Variants in ECH1 observed in about 807,000 individuals in gnomAD.
ECH1 encodes enoyl-CoA hydratase 1.
ECH1 carries 30 observed loss-of-function variants against 37.0 expected under a neutral mutation model. The observed-to-expected ratio is 0.81, with a 90% CI of 0.61 to 1.10. The LOEUF is 1.10. Among genes scored for constraint, ECH1 ranks in the 50% least tolerant of loss-of-function variants. The probability of loss-of-function intolerance (pLI) is 0.00; values close to 1 mark genes in which losing one functional copy is unlikely to be tolerated. For synonymous variants in ECH1, 178 were observed against 176.0 expected (o/e 1.01, Z -0.09); for missense variants, 456 against 441.6 (o/e 1.03, Z -0.29).
chr19:38,831,635 G>A (rs761094701), intron 1 of ECH1, 86 bp downstream of exon 1: 1 of 1,584,836 alleles, frequency 6.3e-7, no homozygotes, highest in Non-Finnish European at 8.6e-7. Flanking sequence ...CGGGCCCTTC[G>A]TGACCCCGGA....
In ECH1 at chr19:38,831,142, C is replaced by T; in HGVS notation, c.285G>A (p.Lys95=). Residue 95 remains lysine, a synonymous_variant, in exon 3 of 10, where the codon AAG becomes AAA. Coordinates refer to ENST00000221418, the MANE Select transcript of ECH1 (RefSeq NM_001398.3). ...FWREMVECFN[K]ISRDADCRAV... is the part of the protein sequence containing the mutation. ...CCCGACAGTCAGCGTCTCTCGAAAT[C>T]TTGTTGAAGCACTCTACCATCTCTC... 1 of 1,614,140 alleles carries T rather than the reference C, an allele frequency of 6.2e-7. No homozygotes were observed. The highest frequency in any genetic ancestry group is 8.5e-7 in the Non-Finnish European group (1 of 1,180,038).
intron 3 of ECH1, among the ~76,000 whole-genome samples, chr19:38,829,303 A>T (rs1164771857): frequency 6.6e-6 from 1 of 150,770 alleles, no homozygotes; most frequent in Non-Finnish European, 1.5e-5. Context: ...AAAAAAAAAA[A>T]AAAAAAAATT....
intron 3 of ECH1, among the ~76,000 whole-genome samples, chr19:38,818,901 C>CTGTGTGTGTG (rs761871749): frequency 0.039 from 5,252 of 133,562 alleles, 167 homozygotes; most frequent in Non-Finnish European, 0.053. Flanking sequence ...GCCTCCAACT[C>CTGTGTGTGTG]TGTGTGTGTG....
Position 38,831,535 on chromosome 19 carries a change from C to G in ECH1, c.53-19G>C, listed in dbSNP as rs1048116064. ...GTCAGTCCTGGGGAGAAAGGAACAG[C>G]CTTTGATGACCCCAGACTGCAAGAC... On this transcript the variant is annotated intron_variant, in intron 1 of 9. Coordinates refer to ENST00000221418, the MANE Select transcript of ECH1 (RefSeq NM_001398.3). 10 of 1,604,816 alleles carry G rather than the reference C, an allele frequency of 6.2e-6. No individual in the cohort carries two copies. Among genetic ancestry groups the G allele is most frequent in the Non-Finnish European group, 8.5e-6 (10 of 1,174,390 alleles).
intron 3 of ECH1, among the ~76,000 whole-genome samples, chr19:38,818,006 C>G (rs566719004): frequency 6.6e-6 from 1 of 152,138 alleles, no homozygotes; most frequent in Non-Finnish European, 1.5e-5. Context: ...ACTGCAGCCT[C>G]GAACTCCCAG....
intron 6 of ECH1, chr19:38,816,820 C>T: frequency 1.6e-6 from 1 of 627,928 alleles, no homozygotes; most frequent in Non-Finnish European, 2.8e-6. Flanking sequence ...TCCCCCGGCT[C>T]CATCCTGCCT....
intron 3 of ECH1, among the ~76,000 whole-genome samples, chr19:38,829,543 C>T (rs950894028): frequency 1.6e-4 from 25 of 152,030 alleles, no homozygotes; most frequent in Non-Finnish European, 7.4e-5. Context: ...CTGGGCTGGG[C>T]GTGGTAGCTC....
At chr19:38,829,738 C>G (rs1971791107) in intron 3 of ECH1, among the ~76,000 whole-genome samples, 1 of 150,826 alleles carries the variant, frequency 6.6e-6, no homozygotes, top group African/African-American at 2.4e-5. Flanking sequence ...ATGGCCTGAA[C>G]CCGGGAGGCA....
rs944262300 is a variant in ECH1, at chr19:38,831,493, C to A, written c.76G>T (p.Gly26Ter). 8 of 1,613,976 alleles carry A rather than the reference C, an allele frequency of 5.0e-6. No individual in the cohort carries two copies. The highest frequency in any genetic ancestry group is 1.7e-4 in the Middle Eastern group (1 of 6,058). The part of the protein sequence containing the change: ...TRRLTGSNYP[G>*]LSISLRLTGS... ...GTGAGGCGAAGGCTAATACTGAGTC[C>A]CGGGTAGTTGGAGCCTGTCAGTCCT... The change falls in exon 2 of 10, where the codon GGA becomes TGA. Residue 26 changes from glycine (G) to a stop codon, truncating the protein, a stop_gained. Transcript: ENST00000221418. LOFTEE classifies it high-confidence loss of function.
intron 3 of ECH1, chr19:38,823,193 A>C (rs1313662074): frequency 2.6e-5 from 4 of 156,458 alleles, no homozygotes; most frequent in Non-Finnish European, 5.6e-5. Context: ...CGAACACATC[A>C]GAAGGAACAA....
At chr19:38,830,838 T>C (rs2145391676) in intron 3 of ECH1, 1 of 522,526 alleles carries the variant, frequency 1.9e-6, no homozygotes. Flanking sequence ...CTGGGTGTGG[T>C]GGCCCACGCC....
Position 38,829,433 on chromosome 19 carries a change from C to G in ECH1, c.349+1645G>C, listed in dbSNP as rs549451715. 6.3e-4 allele frequency among the ~76,000 whole-genome samples: 96 copies of G among 152,130 alleles called. 1 individual carries two copies. The Middle Eastern group carries it at 0.01, about 16-fold the overall frequency. On this transcript the variant is annotated intron_variant, in intron 3 of 9. Coordinates refer to ENST00000221418, the MANE Select transcript of ECH1 (RefSeq NM_001398.3). ...CCAAAATTGCATCACTATACTCCAG[C>G]CTGGGTGACAAAGCGAGACTCTGTC...
intron 1 of ECH1, 61 bp from the exon 2 acceptor site, chr19:38,831,577 AG>A: frequency 6.4e-7 from 1 of 1,564,808 alleles, no homozygotes. Flanking sequence ...CTATCGAATT[AG>A]GGAGTCCTTC....
At chr19:38,827,879 T>C (rs1044205431) in intron 3 of ECH1, among the ~76,000 whole-genome samples, 1 of 151,992 alleles carries the variant, frequency 6.6e-6, no homozygotes, top group Non-Finnish European at 1.5e-5. Context: ...TGAAGATTAG[T>C]TTTTAAATCT....
intron 3 of ECH1, among the ~76,000 whole-genome samples, chr19:38,819,386 TCAACGATGGCC>T (rs1222629573): frequency 6.6e-6 from 1 of 152,062 alleles, no homozygotes; most frequent in Non-Finnish European, 1.5e-5. Flanking sequence ...CCAACCTGGC[TCAACGATGGCC>T]CCATCCCCCG....
chr19:38,815,762 G>C, intron 9 of ECH1, 45 bp from the exon 10 acceptor site: 1 of 1,613,634 alleles, frequency 6.2e-7, no homozygotes. Flanking sequence ...GAGATTAGCA[G>C]GGGCCAATCA....
In ECH1 at chr19:38,827,581, A is replaced by T. The variant is rs368451254; in HGVS notation, c.349+3497T>A. On this transcript the variant is annotated intron_variant, in intron 3 of 9. Coordinates refer to ENST00000221418, the MANE Select transcript of ECH1 (RefSeq NM_001398.3). ...AAGCTGCCGGGAAGTGAGGGGGGATATTCCAAAGAGGGGAGAGCCAGAGCG... is the reference window on the plus strand; with the variant it reads ...AAGCTGCCGGGAAGTGAGGGGGGATTTTCCAAAGAGGGGAGAGCCAGAGCG... Among the ~76,000 whole-genome samples, 17 of 152,156 alleles carry T rather than the reference A, an allele frequency of 1.1e-4. No individual in the cohort carries two copies. The East Asian group carries it at 1.5e-3, about 14-fold the overall frequency.
At chr19:38,815,787 A>G in intron 9 of ECH1, 70 bp from the exon 10 acceptor site, 1 of 1,613,362 alleles carries the variant, frequency 6.2e-7, no homozygotes, top group East Asian at 2.2e-5. Context: ...AAAGCATGAG[A>G]GCACCCTGCA....
chr19:38,831,641 C>T lies in ECH1; in HGVS notation c.52+80G>A, dbSNP rs1971827544. 7.5e-6 allele frequency: 12 copies of T among 1,590,140 alleles called. No individual in the cohort carries two copies. The East Asian group carries it at 2.7e-4, about 36-fold the overall frequency. Reference sequence around the variant, plus strand: ...TAGGGGACTCGGGCCCTTCGTGACCCCGGATAGCCCTCCCCGTCCTACATC... The same window carrying T: ...TAGGGGACTCGGGCCCTTCGTGACCTCGGATAGCCCTCCCCGTCCTACATC... On this transcript the variant is annotated intron_variant, in intron 1 of 9. Coordinates refer to ENST00000221418, the MANE Select transcript of ECH1 (RefSeq NM_001398.3).
Sources: allele counts gnomAD v4.1 joint callset (sites outside exome capture counted in the v4.1 genomes callset), GRCh38; gene constraint gnomAD v4.1.1; transcripts MANE v1.5; gene names NCBI Gene and HGNC (gene_info 2026-07-23, HGNC 2026-07-21).